PCSK5: variants seen among roughly 807,000 people sequenced by gnomAD.
PCSK5 encodes prohormone convertase 5.
A neutral mutation model predicts 233.2 loss-of-function variants in PCSK5; 129 were observed. The observed-to-expected ratio is 0.55, with a 90% confidence interval of 0.48 to 0.64. The LOEUF (loss-of-function observed/expected upper bound fraction) is 0.64. Among genes scored for constraint, PCSK5 ranks in the 30% least tolerant of loss-of-function variants. PCSK5 has a pLI of 0.00. For missense variants in PCSK5, 2,076 were observed against 2,430.1 expected (o/e 0.85, Z 3.06); for synonymous variants, 825 against 879.2 (o/e 0.94, Z 1.09).
chr9:75,958,538 T>C (rs1434206968), intron 2 of PCSK5, among the ~76,000 whole-genome samples: 1 of 152,270 alleles, frequency 6.6e-6, no homozygotes. Context: ...GTATGAACTT[T>C]AGAGGCCAAA....
chr9:75,934,804 G>T (rs2131288456), intron 2 of PCSK5, among the ~76,000 whole-genome samples: 1 of 151,938 alleles, frequency 6.6e-6, no homozygotes, highest in Non-Finnish European at 1.5e-5. Flanking sequence ...GACCTCAAGT[G>T]GTCTGCCTGA....
intron 5 of PCSK5, among the ~76,000 whole-genome samples, chr9:76,052,173 A>G (rs1374005339): frequency 6.6e-6 from 1 of 152,196 alleles, no homozygotes; most frequent in Non-Finnish European, 1.5e-5. Context: ...GCTCTCATAC[A>G]CTATGGCCTT....
Position 76,296,872 on chromosome 9 carries a change from G to A in PCSK5, c.3523+7G>A, listed in dbSNP as rs999673319. The A allele has an allele frequency of 4.5e-5, 72 of 1,587,688 alleles. No individual in the cohort carries two copies. Among genetic ancestry groups the A allele is most frequent in the Non-Finnish European group, 6.1e-5 (71 of 1,167,722 alleles). On this transcript the variant is annotated splice_region_variant and intron_variant, in intron 27 of 37. Transcript: ENST00000674117. The stretch of plus-strand genomic sequence containing the variant: ...GAGGGCAAATTCTGGAATGGTATGT[G>A]CCCCCCAAAAAAGAGGTCACAGGGG...
chr9:75,908,875 TTATCTATCTATCTATC>T (rs58985562), intron 1 of PCSK5, among the ~76,000 whole-genome samples: 40 of 116,104 alleles, frequency 3.4e-4, no homozygotes, highest in East Asian at 7.3e-4. Context: ...CTCTTTCTAT[TTATCTATCTATCTATC>T]TATCTATCTA....
chr9:76,320,779 T>C (rs1414174528), intron 30 of PCSK5, among the ~76,000 whole-genome samples: 1 of 150,632 alleles, frequency 6.6e-6, no homozygotes, highest in Non-Finnish European at 1.5e-5. Context: ...CAACCCATTG[T>C]AGCTTTTTAA....
chr9:76,067,482 A>G (rs1830326229), intron 5 of PCSK5, among the ~76,000 whole-genome samples: 1 of 152,222 alleles, frequency 6.6e-6, no homozygotes, highest in South Asian at 2.1e-4. Context: ...TTGTTATTGG[A>G]AATACTTGAT....
chr9:76,263,199 C>T (rs967048757), intron 24 of PCSK5, among the ~76,000 whole-genome samples: 12 of 152,174 alleles, frequency 7.9e-5, no homozygotes, highest in African/African-American at 2.6e-4. Flanking sequence ...ACTAGTTCAA[C>T]CATTGTGGAA....
chr9:75,937,724 T>C (rs187723927), intron 2 of PCSK5, among the ~76,000 whole-genome samples: 3 of 152,386 alleles, frequency 2.0e-5, no homozygotes, highest in Admixed American at 2.0e-4. Flanking sequence ...GTCTTCATCA[T>C]TGATCTTAGC....
Position 76,233,515 on chromosome 9 carries a change from G to A in PCSK5, c.2785G>A (p.Glu929Lys). The change falls in exon 22 of 38, where the codon GAG becomes AAG. Residue 929 changes from glutamate (E) to lysine (K), a missense_variant. Coordinates refer to ENST00000674117, the MANE Select transcript of PCSK5 (RefSeq NM_001372043.1). ...SNCPSWKFEF[E>K]NQCHPCHHTC... is the part of the protein sequence containing the mutation. Reference sequence around the variant, plus strand: ...CTGCCCCTCATGGAAATTTGAATTTGAGAACCAATGCCATCCATGCCACCA... The same window carrying A: ...CTGCCCCTCATGGAAATTTGAATTTAAGAACCAATGCCATCCATGCCACCA... The A allele has an allele frequency of 1.2e-6, 2 of 1,612,686 alleles. No individual in the cohort carries two copies. The highest frequency in any genetic ancestry group is 1.7e-6 in the Non-Finnish European group (2 of 1,179,818).
chr9:76,189,175 G>C lies in PCSK5; in HGVS notation c.2462G>C (p.Ser821Thr), dbSNP rs766908610. 13 of 1,612,930 alleles carry C rather than the reference G, an allele frequency of 8.1e-6. No homozygotes were observed. The Admixed American group carries it at 2.0e-4, about 25-fold the overall frequency. Reference protein sequence around the residue: ...DGRCVQSCSISYYFDHSSENG... With the variant: ...DGRCVQSCSITYYFDHSSENG... ...AGATGCGTGCAGAGCTGTAGTATCAGCTATTACTTTGACCACTCTTCAGAG... is the reference window on the plus strand; with the variant it reads ...AGATGCGTGCAGAGCTGTAGTATCACCTATTACTTTGACCACTCTTCAGAG... Residue 821 changes from serine (S) to threonine (T), a missense_variant, in exon 19 of 38, where the codon AGC (serine) becomes ACC (threonine). Physicochemically the swap from Ser to Thr is moderately conservative, Grantham distance 58. This residue lies in a region of PCSK5 where 1,510 missense variants were observed against 1,538.1 expected (regional missense o/e 0.98). Coordinates refer to ENST00000674117, the MANE Select transcript of PCSK5 (RefSeq NM_001372043.1).
At chr9:76,280,155 T>G (rs1587830542) in intron 24 of PCSK5, among the ~76,000 whole-genome samples, 1 of 152,174 alleles carries the variant, frequency 6.6e-6, no homozygotes, top group East Asian at 1.9e-4. Context: ...TTATCTGTTA[T>G]GGTGATCACA....
intron 5 of PCSK5, among the ~76,000 whole-genome samples, chr9:76,064,731 C>CG (rs1564005329): frequency 1.4e-5 from 2 of 147,748 alleles, no homozygotes; most frequent in Non-Finnish European, 3.0e-5. Context: ...ACCTCCCAGA[C>CG]GGGGTCTCGG....
chr9:75,978,380 C>T (rs987668236), intron 2 of PCSK5, among the ~76,000 whole-genome samples: 2 of 152,212 alleles, frequency 1.3e-5, no homozygotes, highest in African/African-American at 4.8e-5. Flanking sequence ...TTGTGAAGCA[C>T]ATTGTAAGTG....
At chr9:76,351,613 AAAGAAAG>A (rs1257335587) in intron 36 of PCSK5, among the ~76,000 whole-genome samples, 29 of 9,190 alleles carry the variant, frequency 3.2e-3, no homozygotes, top group East Asian at 0.018. Flanking sequence ...GAAGAAAGAA[AAAGAAAG>A]AGAAAGAAAG....
At chr9:76,095,813 G>C (rs1587620677) in intron 7 of PCSK5, 77 bp from the exon 8 acceptor site, 1 of 1,323,416 alleles carries the variant, frequency 7.6e-7, no homozygotes, top group East Asian at 2.3e-5. Context: ...CACCTACTCA[G>C]TTTGGCTCAG....
At chr9:76,004,002 T>A (rs1827371423) in intron 3 of PCSK5, among the ~76,000 whole-genome samples, 1 of 152,078 alleles carries the variant, frequency 6.6e-6, no homozygotes, top group South Asian at 2.1e-4. Context: ...GGTTTCGTGT[T>A]CCGTAGGTTG....
Position 76,009,379 on chromosome 9 carries a change from C to T in PCSK5, c.412-14359C>T, listed in dbSNP as rs375256260. On this transcript the variant is annotated intron_variant, in intron 3 of 37. Transcript: ENST00000674117. ...CAAGTAACCTTTAAAAATCCTACTA[C>T]CCACTTTGGGAGGCCGAGGTGGGTG... is the stretch of plus-strand genomic sequence containing the variant. Among the ~76,000 whole-genome samples, 4 of 151,742 alleles carry T rather than the reference C, an allele frequency of 2.6e-5. No homozygotes were observed. The East Asian group carries it at 7.7e-4, about 29-fold the overall frequency.
At chr9:75,939,590 T>C (rs1824210200) in intron 2 of PCSK5, among the ~76,000 whole-genome samples, 1 of 152,188 alleles carries the variant, frequency 6.6e-6, no homozygotes, top group South Asian at 2.1e-4. Context: ...TCATTTTCTT[T>C]CATTTTCCTT....
intron 1 of PCSK5, among the ~76,000 whole-genome samples, chr9:75,926,308 A>G (rs140316477): frequency 2.0e-3 from 312 of 152,330 alleles, no homozygotes; most frequent in African/African-American, 7.2e-3. Context: ...GTGCTGACAA[A>G]TGTATATACC....
Sources: allele counts gnomAD v4.1 joint callset (sites outside exome capture counted in the v4.1 genomes callset), GRCh38; gene constraint gnomAD v4.1.1; regional missense constraint gnomAD v4.1.1; transcripts MANE v1.5; gene names NCBI Gene and HGNC (gene_info 2026-07-23, HGNC 2026-07-21).